Variants in FGGY observed in about 807,000 individuals in gnomAD.
FGGY encodes the protein FGGY carbohydrate kinase domain-containing protein.
Under a neutral mutation model 71.3 loss-of-function variants are expected in FGGY, and 72 were observed. That is an observed-to-expected ratio of 1.01 (90% CI 0.84 to 1.23). The LOEUF (loss-of-function observed/expected upper bound fraction) is 1.23, where lower values mean the gene tolerates loss of function less well. Among genes scored for constraint, FGGY ranks in the 50% most tolerant of loss-of-function variants. The pLI, the probability that FGGY is intolerant of heterozygous loss-of-function variation, is 0.00. For missense variants in FGGY, 668 were observed against 682.3 expected (o/e 0.98, Z 0.23); for synonymous variants, 251 against 250.3 (o/e 1.00, Z -0.02).
intron 4 of FGGY, among the ~76,000 whole-genome samples, chr1:59,371,377 C>G (rs1164440950): frequency 2.0e-5 from 3 of 152,112 alleles, no homozygotes; most frequent in African/African-American, 7.2e-5. Flanking sequence ...TATATATGCA[C>G]CCAATACAGG....
intron 8 of FGGY, among the ~76,000 whole-genome samples, chr1:59,595,035 T>C (rs895111346): frequency 3.3e-5 from 5 of 152,188 alleles, no homozygotes; most frequent in African/African-American, 9.6e-5. Context: ...CCTGCATTCA[T>C]TGAGTTTCCT....
At chr1:59,374,777 A>C (rs2058350075) in intron 4 of FGGY, among the ~76,000 whole-genome samples, 1 of 151,966 alleles carries the variant, frequency 6.6e-6, no homozygotes, top group South Asian at 2.1e-4. Flanking sequence ...ATGAAATTGG[A>C]AATCATCATT....
At chr1:59,736,217 A>G (rs1253855815) in intron 14 of FGGY, among the ~76,000 whole-genome samples, 2 of 151,930 alleles carry the variant, frequency 1.3e-5, no homozygotes, top group African/African-American at 2.4e-5. Flanking sequence ...GTCCAATTAA[A>G]CCTCTTTCTT....
intron 14 of FGGY, among the ~76,000 whole-genome samples, chr1:59,710,682 CAT>C (rs759167174): frequency 2.6e-5 from 4 of 152,110 alleles, no homozygotes; most frequent in South Asian, 2.1e-4. Flanking sequence ...GGCCTACAAA[CAT>C]ATGAAAAAAA....
chr1:59,592,974 A>G (rs1311310427), intron 8 of FGGY, among the ~76,000 whole-genome samples: 1 of 152,214 alleles, frequency 6.6e-6, no homozygotes, highest in Non-Finnish European at 1.5e-5. Context: ...AAAAAATAAA[A>G]GAGAAATGCA....
chr1:59,707,410 G>C (rs2097764401), intron 14 of FGGY, among the ~76,000 whole-genome samples: 1 of 152,198 alleles, frequency 6.6e-6, no homozygotes, highest in African/African-American at 2.4e-5. Context: ...GAGGGGGAGA[G>C]AGGGATGACT....
chr1:59,517,733 C>G (rs2094704081), intron 7 of FGGY, among the ~76,000 whole-genome samples: 1 of 152,138 alleles, frequency 6.6e-6, no homozygotes, highest in Admixed American at 6.6e-5. Context: ...GTTTCATACT[C>G]CCACTGCAGC....
intron 6 of FGGY, among the ~76,000 whole-genome samples, chr1:59,458,183 T>G (rs2091894036): frequency 6.6e-6 from 1 of 152,162 alleles, no homozygotes; most frequent in Non-Finnish European, 1.5e-5. Context: ...CTCCAAAAAA[T>G]TAGTTGTTTT....
At chr1:59,394,584 G>A (rs11584915) in intron 5 of FGGY, among the ~76,000 whole-genome samples, 29,185 of 152,092 alleles carry the variant, frequency 0.19, 3,000 homozygotes, top group East Asian at 0.36. Context: ...CTCAACATTA[G>A]CTATTCCTGC....
chr1:59,638,167 T>C, intron 10 of FGGY, 61 bp from the exon 11 acceptor site: 2 of 1,526,814 alleles, frequency 1.3e-6, no homozygotes, highest in Non-Finnish European at 1.8e-6. Flanking sequence ...TTTCTTTCTA[T>C]AGAATGATTT....
At chr1:59,362,098 A>G (rs2055670429) in intron 4 of FGGY, among the ~76,000 whole-genome samples, 1 of 151,950 alleles carries the variant, frequency 6.6e-6, no homozygotes, top group Non-Finnish European at 1.5e-5. Context: ...TATTTCCCAC[A>G]CATTTTATTC....
intron 6 of FGGY, among the ~76,000 whole-genome samples, chr1:59,480,781 G>A (rs1035275724): frequency 6.6e-6 from 1 of 152,092 alleles, no homozygotes; most frequent in African/African-American, 2.4e-5. Context: ...GTTTGAGGCA[G>A]GGAAAAGGGA....
At chr1:59,753,225 T>C in intron 14 of FGGY, among the ~76,000 whole-genome samples, 1 of 152,070 alleles carries the variant, frequency 6.6e-6, no homozygotes, top group East Asian at 1.9e-4. Flanking sequence ...ATTTCCATAC[T>C]AAATTCATAT....
At chr1:59,530,146 C>T (rs945843511) in intron 7 of FGGY, among the ~76,000 whole-genome samples, 1 of 151,592 alleles carries the variant, frequency 6.6e-6, no homozygotes, top group Non-Finnish European at 1.5e-5. Flanking sequence ...AAAGTAGAGC[C>T]GTAAATCCTG....
chr1:59,515,721 T>G (rs1190189671), intron 7 of FGGY, among the ~76,000 whole-genome samples: 2 of 152,200 alleles, frequency 1.3e-5, no homozygotes, highest in Non-Finnish European at 2.9e-5. Flanking sequence ...TTCCTCATTC[T>G]TTCTTGCTGC....
intron 6 of FGGY, among the ~76,000 whole-genome samples, chr1:59,492,937 T>G (rs1245641846): frequency 6.6e-6 from 1 of 152,214 alleles, no homozygotes; most frequent in African/African-American, 2.4e-5. Flanking sequence ...TTGCTTCAAA[T>G]TGTTAAATTG....
At chr1:59,665,754 A>G (rs2153968282) in intron 12 of FGGY, among the ~76,000 whole-genome samples, 1 of 150,020 alleles carries the variant, frequency 6.7e-6, no homozygotes, top group South Asian at 2.1e-4. Flanking sequence ...GCTCACTGCA[A>G]GCTCCACCTC....
At chr1:59,577,383 T>C (rs1268397574) in intron 8 of FGGY, among the ~76,000 whole-genome samples, 3 of 152,242 alleles carry the variant, frequency 2.0e-5, no homozygotes, top group African/African-American at 7.2e-5. Context: ...AGTTGGCCAC[T>C]GTCTTTCAAT....
intron 14 of FGGY, among the ~76,000 whole-genome samples, chr1:59,746,732 A>G (rs2101584865): frequency 6.6e-6 from 1 of 152,224 alleles, no homozygotes; most frequent in South Asian, 2.1e-4. Flanking sequence ...GTTTCAAGCG[A>G]TCCTCCCACC....
Sources: gnomAD v4.1 joint callset for allele counts (sites outside exome capture counted in the v4.1 genomes callset) on GRCh38, gnomAD v4.1.1 for gene constraint, MANE v1.5 for transcripts, NCBI Gene and HGNC (gene_info 2026-07-23, HGNC 2026-07-21) for gene names.